DOCK8: variants seen among roughly 807,000 people sequenced by gnomAD.
DOCK8 encodes the protein dedicator of cytokinesis 8.
A neutral mutation model predicts 245.6 loss-of-function variants in DOCK8; 141 were observed. That is an observed-to-expected ratio of 0.57 (90% CI 0.50 to 0.66). The LOEUF is 0.66. DOCK8 is among the 30% of genes least tolerant of loss of function. The pLI, the probability that DOCK8 is intolerant of heterozygous loss-of-function variation, is 0.00. For synonymous variants in DOCK8, 1,168 were observed against 970.2 expected, an observed-to-expected ratio of 1.20 and a Z score of -3.79; for missense variants, 2,965 against 2,603.4, an observed-to-expected ratio of 1.14 and a Z score of -3.02.
Position 215,462 on chromosome 9 carries a change from G to A in DOCK8, c.53+433G>A. ...AAGAAGTGAAGTGGCTGAAATTAGA[G>A]TTGCGTTTGAGGCAGGCTGCAAGCC... On this transcript the variant is annotated intron_variant, in intron 1 of 47. Coordinates refer to ENST00000432829, the MANE Select transcript of DOCK8 (RefSeq NM_203447.4). 2.0e-6 allele frequency: 3 copies of A among 1,485,648 alleles called. No homozygotes were observed. The South Asian group carries it at 4.1e-5, about 20-fold the overall frequency. The allele number at this position is 1,485,648 out of a possible 1,614,324, so 92.0% of individuals were successfully genotyped here. A position where few individuals can be genotyped will look rare whatever the true frequency, so the allele number is the denominator to read the frequency against.
At chr9:435,002 G>A in intron 39 of DOCK8, 27 bp downstream of exon 39, 2 of 1,610,086 alleles carry the variant, frequency 1.2e-6, no homozygotes, top group Non-Finnish European at 1.7e-6. Context: ...TTTTCCCTTA[G>A]AGCAGTGGTT....
At position 451,882 on chromosome 9, in the gene DOCK8, T is replaced by C. The variant is rs78544580; in HGVS notation, c.5962-129T>C. The C allele has an allele frequency of 0.16, 31,742 of 201,498 alleles. 2,584 individuals carry two copies. Among genetic ancestry groups the C allele is most frequent in the South Asian group, 0.26 (1,719 of 6,680 alleles). The allele number at this position is 201,498 out of a possible 1,614,324, so 12.5% of individuals were successfully genotyped here. A position where few individuals can be genotyped will look rare whatever the true frequency, so the allele number is the denominator to read the frequency against. On this transcript the variant is annotated intron_variant, in intron 45 of 47. Transcript: ENST00000432829. ...ATATATATGTGTGTGTATATATATA[T>C]ACATATATATGCATATACATATACA...
chr9:237,818 C>T (rs1019973157), intron 1 of DOCK8, among the ~76,000 whole-genome samples: 2 of 151,960 alleles, frequency 1.3e-5, no homozygotes, highest in African/African-American at 4.8e-5. Context: ...TTAGGAAAAA[C>T]CACAATATTG....
intron 26 of DOCK8, among the ~76,000 whole-genome samples, chr9:400,024 TCCACCA>T (rs1564011604): frequency 2.5e-4 from 17 of 66,830 alleles, no homozygotes; most frequent in African/African-American, 9.0e-4. Context: ...CACCACCACC[TCCACCA>T]TCACCACCAC....
In DOCK8 at chr9:463,579, A is replaced by G. The variant is rs1209636214; in HGVS notation, c.6131A>G (p.Gln2044Arg). The G allele has an allele frequency of 6.2e-7, 1 of 1,614,250 alleles. No individual in the cohort carries two copies. Among genetic ancestry groups the G allele is most frequent in the Non-Finnish European group, 8.5e-7 (1 of 1,180,050 alleles). Reference protein sequence around the residue: ...LITADQREYQQELKKNYNKLK... With the variant: ...LITADQREYQRELKKNYNKLK... ...ACGGCAGACCAGAGGGAATATCAGC[A>G]GGAACTCAAAAAGAACTATAACAAG... is the stretch of plus-strand genomic sequence containing the variant. The change falls in exon 47 of 48, where the codon CAG (glutamine) becomes CGG (arginine). Residue 2044 changes from glutamine (Q) to arginine (R), a missense_variant. Gln to Arg is a conservative substitution (Grantham distance 43). Coordinates refer to ENST00000432829, the MANE Select transcript of DOCK8 (RefSeq NM_203447.4).
intron 25 of DOCK8, 25 bp from the exon 26 acceptor site, chr9:399,121 A>G: frequency 6.2e-7 from 1 of 1,605,234 alleles, no homozygotes; most frequent in Non-Finnish European, 8.5e-7. Flanking sequence ...CCACAAAATG[A>G]TTTGGGTGTT....
intron 28 of DOCK8, among the ~76,000 whole-genome samples, chr9:407,892 T>A (rs920658442): frequency 6.6e-6 from 1 of 152,084 alleles, no homozygotes; most frequent in Non-Finnish European, 1.5e-5. Flanking sequence ...GATTCAAAGA[T>A]GATTAGGATT....
intron 43 of DOCK8, among the ~76,000 whole-genome samples, chr9:444,392 A>C (rs374738095): frequency 1.9e-4 from 28 of 149,740 alleles, no homozygotes; most frequent in African/African-American, 6.1e-4. Flanking sequence ...TACCTGTTAG[A>C]TTAAATAATT....
chr9:445,937 G>A (rs1012751996), intron 43 of DOCK8, among the ~76,000 whole-genome samples: 1 of 152,228 alleles, frequency 6.6e-6, no homozygotes, highest in Non-Finnish European at 1.5e-5. Context: ...GTGTATGACA[G>A]CTCTAGCTGA....
In DOCK8 at chr9:305,637, T is replaced by C. The variant is rs569884226; in HGVS notation, c.528+933T>C. Among the ~76,000 whole-genome samples, 6 of 152,348 alleles carry C rather than the reference T, an allele frequency of 3.9e-5. No homozygotes were observed. The East Asian group carries it at 1.2e-3, about 29-fold the overall frequency. On this transcript the variant is annotated intron_variant, in intron 5 of 47. Transcript: ENST00000432829. Reference sequence around the variant, plus strand: ...ACAGTTTAAAATTCAAGTTAAAGTGTACATATTGTGAAATGAGCTTTTAAC... The same window carrying C: ...ACAGTTTAAAATTCAAGTTAAAGTGCACATATTGTGAAATGAGCTTTTAAC...
At chr9:317,255 T>C in intron 7 of DOCK8, 127 bp downstream of exon 7, 2 of 788,576 alleles carry the variant, frequency 2.5e-6, no homozygotes, top group Admixed American at 2.0e-5. Flanking sequence ...AGTGGGCAGC[T>C]GTGGAGTAGT....
chr9:445,748 A>G (rs879373473), intron 43 of DOCK8, among the ~76,000 whole-genome samples: 2 of 122,254 alleles, frequency 1.6e-5, no homozygotes, highest in Non-Finnish European at 3.6e-5. Context: ...AGTCTTTGTT[A>G]TGAATAAAGT....
intron 2 of DOCK8, among the ~76,000 whole-genome samples, chr9:276,050 C>G (rs1444542633): frequency 1.3e-5 from 2 of 151,936 alleles, no homozygotes; most frequent in East Asian, 1.9e-4. Context: ...GCCGCCATGT[C>G]TGGCTAATTT....
chr9:245,528 G>C (rs2047486682), intron 1 of DOCK8, among the ~76,000 whole-genome samples: 1 of 151,968 alleles, frequency 6.6e-6, no homozygotes, highest in Non-Finnish European at 1.5e-5. Flanking sequence ...TTTTTGATAG[G>C]CAGCTCTTAA....
intron 7 of DOCK8, among the ~76,000 whole-genome samples, chr9:324,827 A>G (rs1036256649): frequency 1.3e-5 from 2 of 152,134 alleles, no homozygotes; most frequent in African/African-American, 4.8e-5. Context: ...CTATCCTTTA[A>G]ATTTTTTTAT....
intron 26 of DOCK8, among the ~76,000 whole-genome samples, chr9:400,772 ACCACCACCACC>A (rs1406585752): frequency 5.4e-5 from 5 of 92,350 alleles, no homozygotes; most frequent in Non-Finnish European, 8.3e-5. Context: ...CACCTCCACC[ACCACCACCACC>A]TCCACCATCA....
chr9:303,211 A>G (rs551908795), intron 4 of DOCK8, among the ~76,000 whole-genome samples: 6 of 152,196 alleles, frequency 3.9e-5, no homozygotes, highest in East Asian at 3.9e-4. Flanking sequence ...TTCAGTCACT[A>G]TGGAATGCAG....
intron 1 of DOCK8, among the ~76,000 whole-genome samples, chr9:224,452 A>T (rs1409313846): frequency 6.6e-6 from 1 of 152,166 alleles, no homozygotes; most frequent in East Asian, 1.9e-4. Flanking sequence ...TTTGCTCAGA[A>T]GTCTTGAAGT....
intron 1 of DOCK8, among the ~76,000 whole-genome samples, chr9:217,038 G>A (rs2046772560): frequency 6.6e-6 from 1 of 152,088 alleles, no homozygotes; most frequent in Non-Finnish European, 1.5e-5. Flanking sequence ...ATGACTGTGG[G>A]GAGGATTAAA....
Sources: allele counts gnomAD v4.1 joint callset (sites outside exome capture counted in the v4.1 genomes callset), GRCh38; gene constraint gnomAD v4.1.1; transcripts MANE v1.5; gene names NCBI Gene and HGNC (gene_info 2026-07-23, HGNC 2026-07-21).